DHTKD1: variants seen among roughly 807,000 people sequenced by gnomAD.
The protein encoded by DHTKD1 is dehydrogenase E1 and transketolase domain containing 1, also known as 2-oxoadipate dehydrogenase complex component E1.
A neutral mutation model predicts 101.8 loss-of-function variants in DHTKD1; 78 were observed. That is an observed-to-expected ratio of 0.77 (90% confidence interval 0.64 to 0.93). The LOEUF is 0.93. Among genes scored for constraint, DHTKD1 ranks in the 40% least tolerant of loss-of-function variants. The pLI is 0.00. For missense variants in DHTKD1, 1,223 were observed against 1,161.7 expected (o/e 1.05, Z -0.77); for synonymous variants, 462 against 450.3 (o/e 1.03, Z -0.33).
chr10:12,075,205 A>G (rs112324435), intron 1 of DHTKD1, among the ~76,000 whole-genome samples: 101 of 152,098 alleles, frequency 6.6e-4, no homozygotes, highest in African/African-American at 2.3e-3. Flanking sequence ...TTTGAGACGG[A>G]GTCTCGCTCT....
intron 7 of DHTKD1, 65 bp downstream of exon 7, chr10:12,094,336 G>C (rs781739421): frequency 7.0e-7 from 1 of 1,429,936 alleles, no homozygotes; most frequent in Admixed American, 1.8e-5. Context: ...TTATTCTTTT[G>C]AGATGGAGTC....
Position 12,118,385 on chromosome 10 carries a change from C to CTTTT in DHTKD1, c.2403-352_2403-349dup, listed in dbSNP as rs56119960. Among the ~76,000 whole-genome samples, 15 of 137,534 alleles carry CTTTT rather than the reference C, an allele frequency of 1.1e-4. No homozygotes were observed. In the East Asian group the frequency reaches 2.8e-3, roughly 25 times the overall value. 90.2% of individuals were successfully genotyped at this position (137,534 alleles called of 152,430 possible). On this transcript the variant is annotated intron_variant, in intron 14 of 16. Coordinates refer to ENST00000263035, the MANE Select transcript of DHTKD1 (RefSeq NM_018706.7). ...CTCCCGTTTCTTCTGACATAATTCT[C>CTTTT]TTTTTTTTTTTTTTTGAGGTTGAGT...
At chr10:12,105,676 T>G (rs1411243847) in intron 10 of DHTKD1, among the ~76,000 whole-genome samples, 1 of 152,142 alleles carries the variant, frequency 6.6e-6, no homozygotes, top group Non-Finnish European at 1.5e-5. Flanking sequence ...CTGAGAAGTA[T>G]ATGTGCTTAT....
In DHTKD1 at chr10:12,087,856, A is replaced by G. The variant is rs1455802944; in HGVS notation, c.717+127A>G. On this transcript the variant is annotated intron_variant, in intron 4 of 16. Transcript: ENST00000263035. The surrounding 1 kb of genome is among the most constrained non-coding windows in gnomAD (Gnocchi z 5.2). Reference sequence around the variant, plus strand: ...GCCGGGCACTGTGGCTCACACCTGCAATCCCAGCCTGTTGGGAGGATGAGG... The same window carrying G: ...GCCGGGCACTGTGGCTCACACCTGCGATCCCAGCCTGTTGGGAGGATGAGG... The G allele has an allele frequency of 2.6e-6, 2 of 782,066 alleles. No individual in the cohort carries two copies. The highest frequency in any genetic ancestry group is 6.2e-5 in the East Asian group (2 of 32,236). 48.4% of individuals were successfully genotyped at this position (782,066 alleles called of 1,614,324 possible).
Position 12,068,975 on chromosome 10 carries a change from G to A in DHTKD1, c.-59G>A. 1 of 1,599,638 alleles carries A rather than the reference G, an allele frequency of 6.3e-7. No homozygotes were observed. The highest frequency in any genetic ancestry group is 1.3e-5 in the African/African-American group (1 of 74,474). ...CTCTGACGAGTCCCGGATTTACCAG[G>A]GCCGGTGGGATCCCCTCGGGCTCCC... On this transcript the variant is annotated 5_prime_UTR_variant, in exon 1 of 17. Transcript: ENST00000263035.
At chr10:12,070,816 G>A (rs1010585950) in intron 1 of DHTKD1, among the ~76,000 whole-genome samples, 2 of 152,112 alleles carry the variant, frequency 1.3e-5, no homozygotes, top group African/African-American at 2.4e-5. Context: ...TTGCAGAGCC[G>A]AATTCCCCTT....
At chr10:12,074,172 T>C (rs1013315800) in intron 1 of DHTKD1, among the ~76,000 whole-genome samples, 1 of 150,418 alleles carries the variant, frequency 6.6e-6, no homozygotes, top group East Asian at 2.0e-4. Flanking sequence ...AAAGTTTTGC[T>C]TTTTGTTTTG....
At position 12,107,078 on chromosome 10, in the gene DHTKD1, G is replaced by T. The variant is rs1833261436; in HGVS notation, c.2047+682G>T. Among the ~76,000 whole-genome samples, 1 of 151,608 alleles carries T rather than the reference G, an allele frequency of 6.6e-6. No homozygotes were observed. Among genetic ancestry groups the T allele is most frequent in the East Asian group, 1.9e-4 (1 of 5,146 alleles). On this transcript the variant is annotated intron_variant, in intron 11 of 16. Coordinates refer to ENST00000263035, the MANE Select transcript of DHTKD1 (RefSeq NM_018706.7). This position sits in a 1 kb window ranked among gnomAD's most constrained non-coding sequence, Gnocchi z 4.1. ...CGGCTCACTGCAAGCTCCGCCTACT[G>T]GGTTTGCACGATTCTCCTGCCTCAG... is the stretch of plus-strand genomic sequence containing the variant.
In DHTKD1 at chr10:12,088,993, TC is replaced by T. The variant is rs769073128; in HGVS notation, c.727del (p.Arg243ValfsTer6). 1.2e-6 allele frequency: 2 copies of T among 1,613,466 alleles called. No individual in the cohort carries two copies. The highest frequency in any genetic ancestry group is 1.7e-6 in the Non-Finnish European group (2 of 1,179,454). On this transcript the variant is annotated frameshift_variant, in exon 5 of 17. Coordinates refer to ENST00000263035, the MANE Select transcript of DHTKD1 (RefSeq NM_018706.7). LOFTEE classifies it high-confidence loss of function. ...GLLQFPPELMFRKMRGLSEFP... is the reference protein window; with the variant it reads ...GLLQFPPELMXRKMRGLSEFP... ...TGAATGTATCCACAATAGCTGATGT[TC>T]CGTAAAATGCGAGGCTTAAGTGAAT...
chr10:12,113,753 C>A (rs78839337), intron 13 of DHTKD1, among the ~76,000 whole-genome samples: 9 of 151,964 alleles, frequency 5.9e-5, no homozygotes, highest in Non-Finnish European at 1.2e-4. Flanking sequence ...TTGCAAGACC[C>A]CATCTCTGAA....
Position 12,110,989 on chromosome 10 carries a change from T to C in DHTKD1, c.2155-1911T>C, listed in dbSNP as rs1833320852. 2.1e-5 allele frequency among the ~76,000 whole-genome samples: 3 copies of C among 140,710 alleles called. No individual in the cohort carries two copies. 92.3% of individuals were successfully genotyped at this position (140,710 alleles called of 152,430 possible). ...TGAGCCTGGGAGGCGGAGGTTGTAG[T>C]GAGCTGAGGTTGCACCACTGCATTC... On this transcript the variant is annotated intron_variant, in intron 12 of 16. Transcript: ENST00000263035. This position sits in a 1 kb window ranked among gnomAD's most constrained non-coding sequence, Gnocchi z 4.9.
At chr10:12,119,636 G>GAA (rs1356329564) in intron 15 of DHTKD1, among the ~76,000 whole-genome samples, 2 of 131,746 alleles carry the variant, frequency 1.5e-5, no homozygotes, top group African/African-American at 5.8e-5. Context: ...AAAAAAAAAA[G>GAA]AAAGAAAATT....
intron 9 of DHTKD1, among the ~76,000 whole-genome samples, 159 bp downstream of exon 9, chr10:12,100,421 T>C (rs1258510559): frequency 3.3e-5 from 5 of 151,102 alleles, no homozygotes; most frequent in South Asian, 4.2e-4. Flanking sequence ...CGCACCACCA[T>C]GCCCAGCTAA....
chr10:12,117,304 CTTTTTTTTTTTT>C (rs71382683), intron 13 of DHTKD1, among the ~76,000 whole-genome samples: 1 of 71,552 alleles, frequency 1.4e-5, no homozygotes, highest in Non-Finnish European at 2.6e-5. Flanking sequence ...GCCACGGCAC[CTTTTTTTTTTTT>C]TTTTTTTTTT....
At chr10:12,093,880 A>G (rs1434273338) in intron 6 of DHTKD1, among the ~76,000 whole-genome samples, 193 bp from the exon 7 acceptor site, 1 of 152,174 alleles carries the variant, frequency 6.6e-6, no homozygotes, top group African/African-American at 2.4e-5. Context: ...TGAGATTTGT[A>G]GCTTTACCGA....
At position 12,094,055 on chromosome 10, in the gene DHTKD1, T is replaced by G. The variant is rs562162834; in HGVS notation, c.1160-18T>G. On this transcript the variant is annotated intron_variant, in intron 6 of 16. Coordinates refer to ENST00000263035, the MANE Select transcript of DHTKD1 (RefSeq NM_018706.7). ...CTGGGTTAACTGTCCTGTTTCGGCT[T>G]GGTCTTCTGTCCTTCAGGGAAGCTT... 2 of 1,609,592 alleles carry G rather than the reference T, an allele frequency of 1.2e-6. No individual in the cohort carries two copies. Among genetic ancestry groups the G allele is most frequent in the Admixed American group, 1.7e-5 (1 of 59,954 alleles).
chr10:12,072,858 T>G (rs1787190436), intron 1 of DHTKD1, among the ~76,000 whole-genome samples: 1 of 151,902 alleles, frequency 6.6e-6, no homozygotes, highest in Non-Finnish European at 1.5e-5. Flanking sequence ...TGCCTCAGCC[T>G]CCTGAGTAGC....
intron 16 of DHTKD1, 69 bp downstream of exon 16, chr10:12,120,336 TTTC>T (rs1833505353): frequency 3.0e-5 from 41 of 1,382,818 alleles, no homozygotes; most frequent in African/African-American, 1.5e-4. Context: ...TCTTTCTTTC[TTTC>T]TTTTTTTTTT....
intron 16 of DHTKD1, 29 bp from the exon 17 acceptor site, chr10:12,120,758 A>C (rs1833514116): frequency 6.3e-7 from 1 of 1,593,262 alleles, no homozygotes; most frequent in East Asian, 2.2e-5. Context: ...TCAAAATGTC[A>C]TTTTATTTCT....
Sources: allele counts gnomAD v4.1 joint callset (sites outside exome capture counted in the v4.1 genomes callset), GRCh38; gene constraint gnomAD v4.1.1; non-coding constraint Gnocchi (gnomAD v3.1); transcripts MANE v1.5; gene names NCBI Gene and HGNC (gene_info 2026-07-23, HGNC 2026-07-21).